PPIP5K2: variants seen among roughly 807,000 people sequenced by gnomAD.
The protein encoded by PPIP5K2 is diphosphoinositol pentakisphosphate kinase 2, also known as inositol hexakisphosphate and diphosphoinositol-pentakisphosphate kinase 2.
Under a neutral mutation model 154.6 loss-of-function variants are expected in PPIP5K2, and 105 were observed. The ratio of observed to expected loss-of-function variants is 0.68; its 90% CI spans 0.58 to 0.80. The LOEUF (loss-of-function observed/expected upper bound fraction) is 0.80. Ranked by LOEUF, PPIP5K2 falls within the 30% of genes least tolerant of loss-of-function variation. PPIP5K2 has a pLI of 0.00. For synonymous variants in PPIP5K2, 480 were observed against 490.3 expected, an observed-to-expected ratio of 0.98 and a Z score of 0.28; for missense variants, 992 against 1,504.6, an observed-to-expected ratio of 0.66 and a Z score of 5.64.
Position 103,184,706 on chromosome 5 carries a change from C to G in PPIP5K2, c.3131C>G (p.Pro1044Arg). 6.2e-7 allele frequency: 1 copy of G among 1,612,570 alleles called. No individual in the cohort carries two copies. The highest frequency in any genetic ancestry group is 1.1e-5 in the South Asian group (1 of 91,024). Reference protein sequence around the residue: ...VSENANYLRTPRTLVEQKQNP... With the variant: ...VSENANYLRTRRTLVEQKQNP... ...GAAAATGCTAATTACCTGAGAACACCAAGAACTCTTGTGGAACAGAAGCAG... is the reference window on the plus strand; with the variant it reads ...GAAAATGCTAATTACCTGAGAACACGAAGAACTCTTGTGGAACAGAAGCAG... Residue 1044 changes from proline (P) to arginine (R), a missense_variant, in exon 26 of 31, where the codon CCA (proline) becomes CGA (arginine). Pro to Arg is a moderately radical substitution (Grantham distance 103). Transcript: ENST00000358359.
intron 28 of PPIP5K2, 122 bp downstream of exon 28, chr5:103,187,498 T>C: frequency 1.4e-6 from 1 of 735,900 alleles, no homozygotes; most frequent in Non-Finnish European, 2.1e-6. Context: ...TCAATTGGCG[T>C]ACAATTCCAA....
intron 15 of PPIP5K2, 39 bp downstream of exon 15, chr5:103,158,352 A>G (rs1467193335): frequency 6.3e-7 from 1 of 1,597,344 alleles, no homozygotes; most frequent in Admixed American, 1.8e-5. Context: ...CTAATTTCAT[A>G]AATTGTATTT....
Position 103,170,913 on chromosome 5 carries a change from C to A in PPIP5K2, c.2287-2242C>A, listed in dbSNP as rs542756450. On this transcript the variant is annotated intron_variant, in intron 19 of 30. Coordinates refer to ENST00000358359, the MANE Select transcript of PPIP5K2 (RefSeq NM_001276277.3). ...CAAGACTTGACTCAGCCAAATAATA[C>A]AAAGTTTTAACTTGTTTAGAATAAT... is the stretch of plus-strand genomic sequence containing the variant. Among the ~76,000 whole-genome samples, 131 of 151,542 alleles carry A rather than the reference C, an allele frequency of 8.6e-4. 2 individuals are homozygous for A. The highest frequency in any genetic ancestry group is 2.9e-3 in the African/African-American group (121 of 41,472).
intron 26 of PPIP5K2, among the ~76,000 whole-genome samples, chr5:103,185,611 G>A (rs1800246894): frequency 6.6e-6 from 1 of 152,002 alleles, no homozygotes. Context: ...CTTCCCCAGT[G>A]ATGAAAGTGT....
At position 103,204,841 on chromosome 5, in the gene PPIP5K2, TAACTA is replaced by T. The variant is rs1433510095; in HGVS notation, c.*3210_*3214del. Reference sequence around the variant, plus strand: ...ATAATCTATGTGAATTATAGCTCCTTAACTAAATATATTACTGAGTTTTTTTTTTA... The same window carrying T: ...ATAATCTATGTGAATTATAGCTCCTTAATATATTACTGAGTTTTTTTTTTA... On this transcript the variant is annotated 3_prime_UTR_variant, in exon 31 of 31. Transcript: ENST00000358359. The T allele has an allele frequency of 3.3e-5, 5 of 152,238 alleles. No individual in the cohort carries two copies. In the East Asian group the frequency reaches 9.6e-4, roughly 29 times the overall value. 9.4% of individuals were successfully genotyped at this position (152,238 alleles called of 1,614,324 possible).
At position 103,205,553 on chromosome 5, in the gene PPIP5K2, T is replaced by G. The variant is rs1554232130; in HGVS notation, c.*3919T>G. 6.6e-6 allele frequency: 1 copy of G among 152,234 alleles called. No individual in the cohort carries two copies. The highest frequency in any genetic ancestry group is 1.5e-5 in the Non-Finnish European group (1 of 68,042). 9.4% of individuals were successfully genotyped at this position (152,234 alleles called of 1,614,324 possible). Reference sequence around the variant, plus strand: ...AACTGGCGTGAGATGGTATCTCATTTGTAAGATGATATCTCATTGAGATTT... The same window carrying G: ...AACTGGCGTGAGATGGTATCTCATTGGTAAGATGATATCTCATTGAGATTT... On this transcript the variant is annotated 3_prime_UTR_variant, in exon 31 of 31. Coordinates refer to ENST00000358359, the MANE Select transcript of PPIP5K2 (RefSeq NM_001276277.3).
At chr5:103,165,677 G>C (rs1797016126) in intron 17 of PPIP5K2, among the ~76,000 whole-genome samples, 1 of 152,062 alleles carries the variant, frequency 6.6e-6, no homozygotes, top group Non-Finnish European at 1.5e-5. Flanking sequence ...TATAGGAACA[G>C]TTTCCCGAAG....
At chr5:103,161,833 T>A (rs891433692) in intron 17 of PPIP5K2, among the ~76,000 whole-genome samples, 14 of 152,002 alleles carry the variant, frequency 9.2e-5, no homozygotes, top group East Asian at 1.9e-4. Context: ...CTTTGAGTTC[T>A]TTGTAGATTC....
rs1017293820 is a variant in PPIP5K2 at position 103,211,833 on chromosome 5, A to G, written c.*10199A>G. 1.3e-5 allele frequency: 2 copies of G among 152,154 alleles called. No individual in the cohort carries two copies. Among genetic ancestry groups the G allele is most frequent in the East Asian group, 3.8e-4 (2 of 5,206 alleles). The allele number at this position is 152,154 out of a possible 1,614,324, so 9.4% of individuals were successfully genotyped here. ...AAAAGCAGTCATAAAGTTCATGGCA[A>G]AATAACCCACATAATTAACTGCTTT... is the stretch of plus-strand genomic sequence containing the variant. On this transcript the variant is annotated 3_prime_UTR_variant, in exon 31 of 31. Coordinates refer to ENST00000358359, the MANE Select transcript of PPIP5K2 (RefSeq NM_001276277.3).
intron 5 of PPIP5K2, among the ~76,000 whole-genome samples, chr5:103,145,777 C>G (rs1310233632): frequency 7.5e-6 from 1 of 133,618 alleles, no homozygotes; most frequent in African/African-American, 2.9e-5. Flanking sequence ...GTGAGTATAG[C>G]AACACAGATA....
intron 19 of PPIP5K2, 64 bp from the exon 20 acceptor site, chr5:103,173,091 G>T: frequency 7.5e-7 from 1 of 1,329,402 alleles, no homozygotes; most frequent in Admixed American, 2.5e-5. Flanking sequence ...TAATTTAGGA[G>T]TGTATTTTTT....
chr5:103,138,361 A>G (rs1554205163), intron 4 of PPIP5K2, 23 bp from the exon 5 acceptor site: 3 of 1,364,200 alleles, frequency 2.2e-6, no homozygotes, highest in Non-Finnish European at 3.1e-6. Flanking sequence ...TAAAACAATA[A>G]GGATGTTTCC....
At chr5:103,169,142 G>A (rs535718669) in intron 19 of PPIP5K2, among the ~76,000 whole-genome samples, 3 of 151,922 alleles carry the variant, frequency 2.0e-5, no homozygotes, top group East Asian at 1.9e-4. Context: ...TAACTAAAAT[G>A]CAATTAAGCA....
In PPIP5K2 at chr5:103,152,183, C is replaced by T. The variant is rs1794733240; in HGVS notation, c.1029-465C>T. ...TACTAAATTTTAGCATAAATAAATG[C>T]TAAATTTAAACAAAGCCAAAAAGTA... On this transcript the variant is annotated intron_variant, in intron 9 of 30. Coordinates refer to ENST00000358359, the MANE Select transcript of PPIP5K2 (RefSeq NM_001276277.3). Among the ~76,000 whole-genome samples, 5 of 151,942 alleles carry T rather than the reference C, an allele frequency of 3.3e-5. No homozygotes were observed. The South Asian group carries it at 1.0e-3, about 32-fold the overall frequency.
intron 30 of PPIP5K2, among the ~76,000 whole-genome samples, chr5:103,200,660 A>G (rs552325743): frequency 2.0e-5 from 3 of 151,108 alleles, no homozygotes; most frequent in Admixed American, 6.6e-5. Context: ...TTTTGAGACA[A>G]TGTCTTGTTC....
intron 26 of PPIP5K2, among the ~76,000 whole-genome samples, chr5:103,185,210 C>T (rs1470968783): frequency 6.6e-5 from 10 of 152,154 alleles, no homozygotes; most frequent in Admixed American, 5.9e-4. Context: ...AACTAATGCA[C>T]AGTGGCAGTC....
intron 2 of PPIP5K2, among the ~76,000 whole-genome samples, chr5:103,130,628 G>T (rs1378530727): frequency 1.3e-5 from 2 of 152,070 alleles, no homozygotes; most frequent in African/African-American, 4.8e-5. Context: ...GAGCACCTTT[G>T]CTACCTCCTG....
intron 27 of PPIP5K2, 110 bp from the exon 28 acceptor site, chr5:103,187,204 C>A: frequency 1.3e-6 from 1 of 750,056 alleles, no homozygotes; most frequent in Non-Finnish European, 2.2e-6. Flanking sequence ...ATTGTCCCTT[C>A]TGCATGTCAC....
intron 25 of PPIP5K2, 124 bp from the exon 26 acceptor site, chr5:103,184,548 T>C (rs1487043859): frequency 6.1e-6 from 4 of 656,492 alleles, no homozygotes; most frequent in Non-Finnish European, 1.0e-5. Flanking sequence ...GTTTTATGTA[T>C]TTCTACTAAT....
Sources: gnomAD v4.1 joint callset for allele counts (sites outside exome capture counted in the v4.1 genomes callset) on GRCh38, gnomAD v4.1.1 for gene constraint, MANE v1.5 for transcripts, NCBI Gene and HGNC (gene_info 2026-07-23, HGNC 2026-07-21) for gene names.